EXOC4: variants seen among roughly 807,000 people sequenced by gnomAD.
EXOC4 encodes the protein SEC8-like 1.
A neutral mutation model predicts 107.2 loss-of-function variants in EXOC4; 71 were observed. That is an observed-to-expected ratio of 0.66 (90% confidence interval 0.55 to 0.81). The LOEUF (loss-of-function observed/expected upper bound fraction) is 0.81, where lower values mean the gene tolerates loss of function less well. Ranked by LOEUF, EXOC4 falls within the 30% of genes least tolerant of loss-of-function variation. The pLI is 0.00. For missense variants in EXOC4, 1,108 were observed against 1,189.6 expected (o/e 0.93, Z 1.01); for synonymous variants, 456 against 441.2 (o/e 1.03, Z -0.42).
chr7:134,018,659 CATT>C (rs1174824113), intron 17 of EXOC4, among the ~76,000 whole-genome samples: 1 of 152,006 alleles, frequency 6.6e-6, no homozygotes, highest in African/African-American at 2.4e-5. Context: ...ATTAATACCT[CATT>C]ATGTGCTATA....
In EXOC4 at chr7:133,639,385, C is replaced by G. The variant is rs563186675; in HGVS notation, c.1514+9244C>G. On this transcript the variant is annotated intron_variant, in intron 10 of 17. Transcript: ENST00000253861. The stretch of plus-strand genomic sequence containing the variant: ...CATAAGTGTCATTTGAACATTTGAT[C>G]ATTAATATTGCCTACTGTGTTTTTA... Among the ~76,000 whole-genome samples the G allele has an allele frequency of 7.9e-5, 12 of 152,172 alleles. No individual in the cohort carries two copies. The South Asian group carries it at 2.5e-3, about 32-fold the overall frequency.
At chr7:133,307,694 G>A (rs1794784542) in intron 4 of EXOC4, among the ~76,000 whole-genome samples, 1 of 152,022 alleles carries the variant, frequency 6.6e-6, no homozygotes, top group African/African-American at 2.4e-5. Context: ...GCTTTTTGTT[G>A]GGGCCTTGGC....
chr7:133,253,123 G>A lies in EXOC4; in HGVS notation c.22G>A (p.Gly8Arg). 6.2e-7 allele frequency: 1 copy of A among 1,614,160 alleles called. No individual in the cohort carries two copies. The highest frequency in any genetic ancestry group is 8.5e-7 in the Non-Finnish European group (1 of 1,180,000). Residue 8 changes from glycine to arginine, a missense_variant, in exon 1 of 18, where the codon GGG becomes AGG. By Grantham distance (125) the Gly-to-Arg change is moderately radical. Transcript: ENST00000253861. ...CAAGATGGCGGCAGAAGCAGCTGGT[G>A]GGAAATACAGAAGCACAGTCAGCAA... Reference protein sequence around the residue: MAAEAAGGKYRSTVSKSK... With the variant: MAAEAAGRKYRSTVSKSK...
chr7:133,923,349 G>A (rs188211227), intron 13 of EXOC4, among the ~76,000 whole-genome samples: 265 of 152,046 alleles, frequency 1.7e-3, no homozygotes, highest in Admixed American at 3.3e-3. Context: ...GGCTAGTCTC[G>A]AACCTTGTGA....
At chr7:134,056,765 A>G (rs1171089348) in intron 17 of EXOC4, among the ~76,000 whole-genome samples, 1 of 152,200 alleles carries the variant, frequency 6.6e-6, no homozygotes, top group Non-Finnish European at 1.5e-5. Context: ...ATAAATTTAG[A>G]ACGTGTTCCA....
At chr7:134,032,549 G>A (rs1795293133) in intron 17 of EXOC4, among the ~76,000 whole-genome samples, 1 of 152,236 alleles carries the variant, frequency 6.6e-6, no homozygotes, top group Non-Finnish European at 1.5e-5. Flanking sequence ...CAGCAGTGAA[G>A]CCAACAGGAA....
At chr7:133,629,530 T>TTTTGTTTTG (rs368663397) in intron 9 of EXOC4, among the ~76,000 whole-genome samples, 13,592 of 149,758 alleles carry the variant, frequency 0.091, 695 homozygotes, top group East Asian at 0.15. Flanking sequence ...TTTTGTTTTG[T>TTTTGTTTTG]TTTGTTTGTT....
chr7:133,908,781 T>TAATTCATTGATGATATTATTGATATTC, intron 12 of EXOC4, among the ~76,000 whole-genome samples: 1 of 152,364 alleles, frequency 6.6e-6, no homozygotes, highest in South Asian at 2.1e-4. Flanking sequence ...ACTTTTAAAT[T>TAATTCATTGATGATATTATTGATATTC]AATTCATTGA....
At chr7:133,812,376 G>A (rs1797254066) in intron 10 of EXOC4, among the ~76,000 whole-genome samples, 1 of 152,134 alleles carries the variant, frequency 6.6e-6, no homozygotes, top group South Asian at 2.1e-4. Context: ...CACAAGTAAA[G>A]CCAAGAGAGG....
At chr7:133,460,958 A>G (rs1584934811) in intron 7 of EXOC4, among the ~76,000 whole-genome samples, 1 of 152,272 alleles carries the variant, frequency 6.6e-6, no homozygotes, top group Middle Eastern at 3.4e-3. Context: ...AATATCCAGC[A>G]GTGTATGATT....
chr7:133,654,326 C>T (rs1803234263), intron 10 of EXOC4, among the ~76,000 whole-genome samples: 1 of 152,092 alleles, frequency 6.6e-6, no homozygotes, highest in African/African-American at 2.4e-5. Context: ...TTGTTTTAGT[C>T]ACTGAACTTC....
chr7:133,647,842 A>G (rs1055283022), intron 10 of EXOC4, among the ~76,000 whole-genome samples: 11 of 152,102 alleles, frequency 7.2e-5, no homozygotes, highest in African/African-American at 2.4e-4. Flanking sequence ...TCTGGTTCAT[A>G]AACAGTTCTC....
chr7:133,327,646 C>T (rs1013011207), intron 5 of EXOC4, among the ~76,000 whole-genome samples: 1 of 152,102 alleles, frequency 6.6e-6, no homozygotes, highest in Non-Finnish European at 1.5e-5. Flanking sequence ...TGTCTTTGTT[C>T]TCATTGGTTT....
intron 9 of EXOC4, among the ~76,000 whole-genome samples, chr7:133,593,340 T>A (rs2150980212): frequency 6.6e-6 from 1 of 152,338 alleles, no homozygotes; most frequent in East Asian, 1.9e-4. Context: ...TAGTTCTTGG[T>A]ATCTCTTGTT....
At chr7:133,429,750 C>T (rs1797811635) in intron 7 of EXOC4, among the ~76,000 whole-genome samples, 1 of 152,226 alleles carries the variant, frequency 6.6e-6, no homozygotes, top group Non-Finnish European at 1.5e-5. Flanking sequence ...ATAATGTTTT[C>T]AAGGTTCATC....
At chr7:133,529,181 T>TC (rs1800134501) in intron 9 of EXOC4, among the ~76,000 whole-genome samples, 1 of 152,222 alleles carries the variant, frequency 6.6e-6, no homozygotes. Flanking sequence ...TGCCAGCTGT[T>TC]CCTTTTCTTA....
At chr7:133,596,213 T>C (rs1801667579) in intron 9 of EXOC4, among the ~76,000 whole-genome samples, 1 of 152,266 alleles carries the variant, frequency 6.6e-6, no homozygotes, top group Non-Finnish European at 1.5e-5. Flanking sequence ...TATTTGGTTA[T>C]TTTATTTCAC....
chr7:133,315,447 T>G (rs1794969976), intron 4 of EXOC4: 1 of 152,168 alleles, frequency 6.6e-6, no homozygotes, highest in South Asian at 2.1e-4. Context: ...AAGAGCTCTT[T>G]GTGTCTTTGG....
At chr7:133,478,126 CTT>C (rs371600820) in intron 8 of EXOC4, among the ~76,000 whole-genome samples, 3 of 143,614 alleles carry the variant, frequency 2.1e-5, no homozygotes, top group South Asian at 4.5e-4. Flanking sequence ...CTTTTCTTTT[CTT>C]TTTTTTTTTT....
Sources: gnomAD v4.1 joint callset for allele counts (sites outside exome capture counted in the v4.1 genomes callset) on GRCh38, gnomAD v4.1.1 for gene constraint, MANE v1.5 for transcripts, NCBI Gene and HGNC (gene_info 2026-07-23, HGNC 2026-07-21) for gene names.